Variants in DYNC1LI2 observed in about 807,000 individuals in gnomAD.
The protein encoded by DYNC1LI2 is cytoplasmic dynein 1 light intermediate chain 2.
DYNC1LI2 carries 19 observed loss-of-function variants against 57.8 expected under a neutral mutation model. The ratio of observed to expected loss-of-function variants is 0.33; its 90% CI spans 0.23 to 0.48. The LOEUF (loss-of-function observed/expected upper bound fraction) is 0.48. Ranked by LOEUF, DYNC1LI2 falls within the 20% of genes least tolerant of loss-of-function variation. The probability of loss-of-function intolerance (pLI) is 0.99; values close to 1 mark genes in which losing one functional copy is unlikely to be tolerated. For synonymous variants in DYNC1LI2, 256 were observed against 233.4 expected, an observed-to-expected ratio of 1.10 and a Z score of -0.88; for missense variants, 470 against 604.2, an observed-to-expected ratio of 0.78 and a Z score of 2.33.
intron 7 of DYNC1LI2, chr16:66,731,660 G>T (rs1035424740): frequency 6.6e-6 from 1 of 152,314 alleles, no homozygotes; most frequent in Non-Finnish European, 1.5e-5. Context: ...CAGAGAACCT[G>T]AGCACCTAGT....
intron 3 of DYNC1LI2, among the ~76,000 whole-genome samples, chr16:66,746,209 C>T (rs142749502): frequency 7.0e-4 from 107 of 152,138 alleles, no homozygotes; most frequent in African/African-American, 2.3e-3. Flanking sequence ...CTTTTTTCAG[C>T]CTCTCTCCCC....
intron 3 of DYNC1LI2, among the ~76,000 whole-genome samples, chr16:66,748,209 C>T (rs1191049561): frequency 7.4e-6 from 1 of 135,530 alleles, no homozygotes; most frequent in Non-Finnish European, 1.5e-5. Context: ...GGCTGGGAGG[C>T]AGAGGTTGCA....
At chr16:66,727,873 G>A in intron 10 of DYNC1LI2, 68 bp from the exon 11 acceptor site, 1 of 1,342,106 alleles carries the variant, frequency 7.5e-7, no homozygotes, top group Non-Finnish European at 1.0e-6. Flanking sequence ...TGCCACAAAT[G>A]GAGACATGCT....
chr16:66,734,521 G>T (rs1249298895), intron 5 of DYNC1LI2, among the ~76,000 whole-genome samples: 1 of 151,682 alleles, frequency 6.6e-6, no homozygotes, highest in Non-Finnish European at 1.5e-5. Context: ...GAGTGAAGAT[G>T]TAATAGGCCT....
chr16:66,750,950 C>G (rs1055321692), intron 2 of DYNC1LI2, among the ~76,000 whole-genome samples: 1 of 152,230 alleles, frequency 6.6e-6, no homozygotes, highest in African/African-American at 2.4e-5. Flanking sequence ...CTCCCACCTT[C>G]TCCACCTAAT....
intron 4 of DYNC1LI2, chr16:66,739,202 G>A (rs1217931310): frequency 6.6e-6 from 1 of 152,148 alleles, no homozygotes; most frequent in African/African-American, 2.4e-5. Context: ...AGCCTGGAAG[G>A]GCTCACAGGT....
At position 66,728,913 on chromosome 16, in the gene DYNC1LI2, G is replaced by T. The variant is rs989576073; in HGVS notation, c.1101+127C>A. ...AAATAAGGAGGGAATGAGGAGACCT[G>T]GTCTCAACCCCTCTACCACTGCAAG... On this transcript the variant is annotated intron_variant, in intron 9 of 12. Transcript: ENST00000258198. 6.4e-6 allele frequency: 6 copies of T among 932,816 alleles called. No individual in the cohort carries two copies. In the Admixed American group the frequency reaches 8.7e-5, roughly 14 times the overall value. 57.8% of individuals were successfully genotyped at this position (932,816 alleles called of 1,614,324 possible). A position where few individuals can be genotyped will look rare whatever the true frequency, so the allele number is the denominator to read the frequency against.
intron 4 of DYNC1LI2, among the ~76,000 whole-genome samples, chr16:66,742,147 T>C (rs1053379324): frequency 1.3e-4 from 20 of 152,266 alleles, no homozygotes; most frequent in African/African-American, 4.3e-4. Flanking sequence ...AGCACAGAGA[T>C]CCACAGAACT....
Position 66,751,354 on chromosome 16 carries a change from G to A in DYNC1LI2, c.108-8C>T, listed in dbSNP as rs1441334941. The A allele has an allele frequency of 1.2e-6, 2 of 1,611,190 alleles. No individual in the cohort carries two copies. Among genetic ancestry groups the A allele is most frequent in the Non-Finnish European group, 1.7e-6 (2 of 1,178,704 alleles). ...TCGCTCAGAATGGAGGACCTGTGGC[G>A]ACAATGGCAAGAGTGGTCAGCCCCG... is the stretch of plus-strand genomic sequence containing the variant. On this transcript the variant is annotated splice_region_variant and splice_polypyrimidine_tract_variant and intron_variant, in intron 1 of 12. Transcript: ENST00000258198. This position sits in a 1 kb window ranked among gnomAD's most constrained non-coding sequence, Gnocchi z 5.2.
chr16:66,750,686 T>A (rs1208110862), intron 2 of DYNC1LI2, among the ~76,000 whole-genome samples: 1 of 151,996 alleles, frequency 6.6e-6, no homozygotes, highest in Admixed American at 6.6e-5. Context: ...AGCCCACAGG[T>A]CCCAAGCAAC....
At chr16:66,741,984 A>G (rs1438403773) in intron 4 of DYNC1LI2, among the ~76,000 whole-genome samples, 2 of 151,690 alleles carry the variant, frequency 1.3e-5, no homozygotes, top group Non-Finnish European at 2.9e-5. Flanking sequence ...AGGAGCTGAA[A>G]GCTTTGTCTT....
intron 5 of DYNC1LI2, 38 bp downstream of exon 5, chr16:66,736,037 C>T (rs2017727154): frequency 6.9e-6 from 11 of 1,599,696 alleles, no homozygotes; most frequent in Admixed American, 1.7e-5. Context: ...CTGTTCACCA[C>T]CCGAACCCAG....
In DYNC1LI2 at chr16:66,723,622, A is replaced by G. The variant is rs2017486611; in HGVS notation, c.*100T>C. On this transcript the variant is annotated 3_prime_UTR_variant, in exon 13 of 13. Coordinates refer to ENST00000258198, the MANE Select transcript of DYNC1LI2 (RefSeq NM_006141.3). ...TTTTAAAGTTCATCTCCCCTGCCCC[A>G]AAAAACTGATAGCATGTGCCATATC... The G allele has an allele frequency of 7.5e-6, 8 of 1,063,914 alleles. No homozygotes were observed. Among genetic ancestry groups the G allele is most frequent in the Non-Finnish European group, 1.1e-5 (8 of 737,824 alleles). 65.9% of individuals were successfully genotyped at this position (1,063,914 alleles called of 1,614,324 possible).
In DYNC1LI2 at chr16:66,727,792, C is replaced by G; in HGVS notation, c.1157G>C (p.Arg386Thr). 1 of 1,612,314 alleles carries G rather than the reference C, an allele frequency of 6.2e-7. No individual in the cohort carries two copies. The change falls in exon 11 of 13, where the codon AGA becomes ACA. Residue 386 changes from arginine to threonine, a missense_variant. Coordinates refer to ENST00000258198, the MANE Select transcript of DYNC1LI2 (RefSeq NM_006141.3). The part of the protein sequence containing the change: ...TPTRASESPA[R>T]GPSGSPRTQG... ...GGTCCTTGGAGAGCCAGAGGGTCCTCTTGCAGGAGATTCCTAAGTCCAAAA... is the reference window on the plus strand; with the variant it reads ...GGTCCTTGGAGAGCCAGAGGGTCCTGTTGCAGGAGATTCCTAAGTCCAAAA...
chr16:66,739,365 C>T (rs898622234), intron 4 of DYNC1LI2: 7 of 152,228 alleles, frequency 4.6e-5, no homozygotes, highest in Admixed American at 4.6e-4. Flanking sequence ...ATTATTCACG[C>T]TCTAAAGGAA....
intron 4 of DYNC1LI2, among the ~76,000 whole-genome samples, chr16:66,737,082 G>A (rs1362685917): frequency 1.3e-5 from 2 of 152,098 alleles, no homozygotes; most frequent in Non-Finnish European, 2.9e-5. Context: ...AGACCAGCCT[G>A]GCCAACATGG....
chr16:66,725,535 A>C (rs2017522992), intron 12 of DYNC1LI2, among the ~76,000 whole-genome samples: 1 of 152,160 alleles, frequency 6.6e-6, no homozygotes, highest in Admixed American at 6.5e-5. Context: ...TCTACTGGAG[A>C]GGTTCTACAA....
chr16:66,747,021 A>T (rs2017948054), intron 3 of DYNC1LI2, among the ~76,000 whole-genome samples: 1 of 152,150 alleles, frequency 6.6e-6, no homozygotes, highest in African/African-American at 2.4e-5. Context: ...CAGTGGGCCT[A>T]GATGAGTACC....
At chr16:66,725,551 C>A (rs6499096) in intron 12 of DYNC1LI2, among the ~76,000 whole-genome samples, 74,254 of 151,966 alleles carry the variant, frequency 0.49, 18,891 homozygotes, top group East Asian at 0.63. Flanking sequence ...TACAACAGGG[C>A]CACATATGTA....
Sources: allele counts gnomAD v4.1 joint callset (sites outside exome capture counted in the v4.1 genomes callset), GRCh38; gene constraint gnomAD v4.1.1; non-coding constraint Gnocchi (gnomAD v3.1); transcripts MANE v1.5; gene names NCBI Gene and HGNC (gene_info 2026-07-23, HGNC 2026-07-21).